The following PTPRN2 variants were observed in gnomAD, a reference collection of about 807,000 sequenced individuals.
PTPRN2 encodes receptor-type tyrosine-protein phosphatase N2.
A neutral mutation model predicts 118.8 loss-of-function variants in PTPRN2; 74 were observed. The observed-to-expected ratio is 0.62, with a 90% CI of 0.52 to 0.76. The LOEUF (loss-of-function observed/expected upper bound fraction) is 0.76. PTPRN2 is among the 30% of genes least tolerant of loss of function. The pLI is 0.00. For missense variants in PTPRN2, 1,481 were observed against 1,394.4 expected (o/e 1.06, Z -0.99); for synonymous variants, 641 against 608.0 (o/e 1.05, Z -0.80).
At chr7:158,070,966 TCACGGTGGAGGTGCC>T (rs1208622421) in intron 11 of PTPRN2, among the ~76,000 whole-genome samples, 24 of 40,952 alleles carry the variant, frequency 5.9e-4, no homozygotes, top group African/African-American at 1.5e-3. Context: ...GTGGAGGTGC[TCACGGTGGAGGTGCC>T]CGTGGTGGTG....
chr7:158,189,527 T>A (rs962409833), intron 5 of PTPRN2, among the ~76,000 whole-genome samples: 2 of 152,178 alleles, frequency 1.3e-5, no homozygotes, highest in African/African-American at 4.8e-5. Context: ...AAGAGGGCCC[T>A]TGGACGTCAG....
At chr7:158,473,484 C>T (rs756674267) in intron 2 of PTPRN2, among the ~76,000 whole-genome samples, 7 of 152,204 alleles carry the variant, frequency 4.6e-5, no homozygotes, top group Non-Finnish European at 7.3e-5. Context: ...GAGAAGCCTG[C>T]GTATCAGAGA....
intron 2 of PTPRN2, among the ~76,000 whole-genome samples, chr7:158,323,922 CACAT>C (rs1355465854): frequency 6.6e-6 from 1 of 152,188 alleles, no homozygotes; most frequent in Admixed American, 6.5e-5. Flanking sequence ...GGGACACTCA[CACAT>C]ACACACACTC....
At chr7:157,900,234 C>T (rs549297139) in intron 11 of PTPRN2, among the ~76,000 whole-genome samples, 32 of 152,340 alleles carry the variant, frequency 2.1e-4, no homozygotes, top group Non-Finnish European at 2.9e-4. Context: ...ACGGCTCTGT[C>T]GCAGCTACTC....
At chr7:158,283,417 A>C (rs1799563027) in intron 3 of PTPRN2, among the ~76,000 whole-genome samples, 1 of 152,116 alleles carries the variant, frequency 6.6e-6, no homozygotes, top group African/African-American at 2.4e-5. Flanking sequence ...CAGGAGACAG[A>C]GCAAAACCAC....
chr7:157,858,046 C>T (rs145130214), intron 12 of PTPRN2, among the ~76,000 whole-genome samples: 31 of 152,064 alleles, frequency 2.0e-4, no homozygotes, highest in South Asian at 1.5e-3. Context: ...GAGTCAGCCC[C>T]CCAGCTACCA....
intron 9 of PTPRN2, among the ~76,000 whole-genome samples, chr7:158,113,775 G>A (rs537388509): frequency 8.1e-5 from 11 of 136,134 alleles, no homozygotes; most frequent in East Asian, 2.0e-4. Context: ...TGGCGTCGAC[G>A]CTACAAGCTG....
intron 3 of PTPRN2, among the ~76,000 whole-genome samples, chr7:158,228,347 A>G (rs999833301): frequency 6.6e-6 from 1 of 152,190 alleles, no homozygotes; most frequent in Non-Finnish European, 1.5e-5. Flanking sequence ...CTACCAGGTT[A>G]CTGAAGGAAG....
intron 2 of PTPRN2, among the ~76,000 whole-genome samples, chr7:158,318,069 C>A (rs1038582191): frequency 3.3e-5 from 5 of 152,108 alleles, no homozygotes; most frequent in Non-Finnish European, 7.4e-5. Flanking sequence ...CGCGCCGCCT[C>A]CTGTCCGAGA....
chr7:158,050,125 C>T (rs942889931), intron 11 of PTPRN2, among the ~76,000 whole-genome samples: 6 of 152,176 alleles, frequency 3.9e-5, no homozygotes, highest in African/African-American at 1.4e-4. Flanking sequence ...TGAAAAGGTA[C>T]ATCAAAGTCA....
At chr7:158,355,328 A>G (rs1808303584) in intron 2 of PTPRN2, among the ~76,000 whole-genome samples, 1 of 152,150 alleles carries the variant, frequency 6.6e-6, no homozygotes, top group Non-Finnish European at 1.5e-5. Context: ...TGAATTCGGT[A>G]TTTTCTAGGA....
At chr7:157,888,984 G>C (rs559051689) in intron 12 of PTPRN2, among the ~76,000 whole-genome samples, 66 of 152,266 alleles carry the variant, frequency 4.3e-4, no homozygotes, top group South Asian at 4.1e-3. Flanking sequence ...AACCTCACTG[G>C]GTAAGGGATA....
intron 12 of PTPRN2, among the ~76,000 whole-genome samples, chr7:157,879,995 T>C (rs1185060564): frequency 6.6e-6 from 1 of 152,230 alleles, no homozygotes; most frequent in Admixed American, 6.5e-5. Context: ...TTATGAAAAT[T>C]TGGGCAACAT....
rs144026038 is a variant in PTPRN2 at position 158,489,975 on chromosome 7, C to T, written c.113-190G>A. On this transcript the variant is annotated intron_variant, in intron 1 of 22. Transcript: ENST00000389418. Reference sequence around the variant, plus strand: ...GCTGCGCCCCTGACCCGGCCACGTGCGAGGCCTCCTGGCCTAGTCCCGGAG... The same window carrying T: ...GCTGCGCCCCTGACCCGGCCACGTGTGAGGCCTCCTGGCCTAGTCCCGGAG... 8.9e-3 allele frequency among the ~76,000 whole-genome samples: 1,349 copies of T among 152,332 alleles called. 5 individuals carry two copies. Among genetic ancestry groups the T allele is most frequent in the Non-Finnish European group, 0.014 (983 of 68,018 alleles).
chr7:158,122,021 T>C (rs1478211332), intron 9 of PTPRN2, among the ~76,000 whole-genome samples: 1 of 152,244 alleles, frequency 6.6e-6, no homozygotes, highest in Non-Finnish European at 1.5e-5. Context: ...AGAAAGCAGT[T>C]GGACGTCATC....
chr7:158,326,771 G>C (rs1803585355), intron 2 of PTPRN2, among the ~76,000 whole-genome samples: 3 of 110,052 alleles, frequency 2.7e-5, no homozygotes, highest in Non-Finnish European at 3.8e-5. Context: ...TTTCACACAT[G>C]CTCACACACT....
Position 157,869,693 on chromosome 7 carries a change from T to A in PTPRN2, c.1788+28980A>T, listed in dbSNP as rs1418850654. 6.6e-6 allele frequency among the ~76,000 whole-genome samples: 1 copy of A among 152,182 alleles called. No homozygotes were observed. The highest frequency in any genetic ancestry group is 2.4e-5 in the African/African-American group (1 of 41,440). On this transcript the variant is annotated intron_variant, in intron 12 of 22. Coordinates refer to ENST00000389418, the MANE Select transcript of PTPRN2 (RefSeq NM_002847.5). The surrounding 1 kb of genome is among the most constrained non-coding windows in gnomAD (Gnocchi z 4.2). The stretch of plus-strand genomic sequence containing the variant: ...ACCAGGACTGTAGGGGGATGCCTCA[T>A]GAGTTCTCATCGGAACTCTTGCTAA...
At chr7:158,002,305 G>A (rs1256410885) in intron 11 of PTPRN2, among the ~76,000 whole-genome samples, 2 of 152,224 alleles carry the variant, frequency 1.3e-5, no homozygotes, top group African/African-American at 2.4e-5. Context: ...TTGGTTCTAC[G>A]GAGGATGAGA....
At chr7:157,631,366 G>A (rs757790328) in intron 14 of PTPRN2, among the ~76,000 whole-genome samples, 1 of 152,198 alleles carries the variant, frequency 6.6e-6, no homozygotes, top group African/African-American at 2.4e-5. Context: ...TTTTGAGACC[G>A]GGAACGCTAC....
Sources: gnomAD v4.1 joint callset for allele counts (sites outside exome capture counted in the v4.1 genomes callset) on GRCh38, gnomAD v4.1.1 for gene constraint, Gnocchi (gnomAD v3.1) non-coding constraint, MANE v1.5 for transcripts, NCBI Gene and HGNC (gene_info 2026-07-23, HGNC 2026-07-21) for gene names.